CDYL: variants seen among roughly 807,000 people sequenced by gnomAD.
CDYL encodes the protein chromodomain Y like.
CDYL carries 8 observed loss-of-function variants against 47.3 expected under a neutral mutation model. That is an observed-to-expected ratio of 0.17 (90% CI 0.10 to 0.31). The LOEUF (loss-of-function observed/expected upper bound fraction) is 0.31, where lower values mean the gene tolerates loss of function less well. CDYL is among the 10% of genes least tolerant of loss of function. The pLI, the probability that CDYL is intolerant of heterozygous loss-of-function variation, is 1.00. For missense variants in CDYL, 471 were observed against 701.4 expected (o/e 0.67, Z 3.71); for synonymous variants, 266 against 265.0 (o/e 1.00, Z -0.04).
intron 3 of CDYL, among the ~76,000 whole-genome samples, chr6:4,739,191 A>AAAATAAAAT (rs1757754298): frequency 6.7e-6 from 1 of 149,052 alleles, no homozygotes; most frequent in Non-Finnish European, 1.5e-5. Context: ...ATTAAATAAT[A>AAAATAAAAT]AAAATAAAAT....
chr6:4,937,759 T>G (rs1332785352), intron 4 of CDYL, 22 bp downstream of exon 4: 1 of 1,589,258 alleles, frequency 6.3e-7, no homozygotes, highest in Non-Finnish European at 8.6e-7. Flanking sequence ...TGATGTTTTT[T>G]AAACATTGGT....
intron 3 of CDYL, among the ~76,000 whole-genome samples, chr6:4,758,351 A>AAAAAAAATATATATATATATATATATAT (rs1554134098): frequency 2.3e-5 from 3 of 129,074 alleles, no homozygotes; most frequent in African/African-American, 9.2e-5. Context: ...AAAATAAATA[A>AAAAAAAATATATATATATATATATATAT]ATATATATAT....
At chr6:4,758,841 G>T (rs188616116) in intron 3 of CDYL, among the ~76,000 whole-genome samples, 241 of 151,566 alleles carry the variant, frequency 1.6e-3, no homozygotes, top group Middle Eastern at 3.4e-3. Flanking sequence ...TTCATTTTAC[G>T]TATTTATTTT....
At chr6:4,724,014 C>T (rs554848782) in intron 2 of CDYL, among the ~76,000 whole-genome samples, 1 of 152,186 alleles carries the variant, frequency 6.6e-6, no homozygotes, top group Non-Finnish European at 1.5e-5. Flanking sequence ...CATACCTGTG[C>T]TAGTTTGAGT....
chr6:4,827,087 T>C (rs1309901465), intron 1 of CDYL, among the ~76,000 whole-genome samples: 1 of 152,228 alleles, frequency 6.6e-6, no homozygotes, highest in Admixed American at 6.5e-5. Context: ...TGACTTAAAG[T>C]CTGTTTTGTC....
intron 1 of CDYL, among the ~76,000 whole-genome samples, chr6:4,890,676 C>T (rs929777700): frequency 2.4e-4 from 37 of 152,254 alleles, no homozygotes; most frequent in African/African-American, 7.7e-4. Context: ...GTTAGAGAAC[C>T]AGGCATGCCA....
At chr6:4,809,889 A>G (rs1034532327) in intron 1 of CDYL, among the ~76,000 whole-genome samples, 3 of 133,050 alleles carry the variant, frequency 2.3e-5, no homozygotes, top group Non-Finnish European at 4.7e-5. Context: ...TGGTAGGGGT[A>G]TTATATTAGT....
At chr6:4,893,642 G>T (rs900105622) in intron 2 of CDYL, among the ~76,000 whole-genome samples, 1 of 151,348 alleles carries the variant, frequency 6.6e-6, no homozygotes, top group Non-Finnish European at 1.5e-5. Flanking sequence ...GCAGTGAGCC[G>T]AGATGGTGCC....
intron 2 of CDYL, among the ~76,000 whole-genome samples, chr6:4,923,713 G>A (rs1039250576): frequency 2.6e-5 from 4 of 152,054 alleles, no homozygotes; most frequent in East Asian, 1.9e-4. Context: ...CTTCTAACCC[G>A]GTGAAACCCC....
chr6:4,708,456 G>A (rs114911648), intron 1 of CDYL, among the ~76,000 whole-genome samples: 1,817 of 151,746 alleles, frequency 0.012, 47 homozygotes, highest in African/African-American at 0.042. Context: ...CACCACACCT[G>A]GCCATATATT....
chr6:4,804,715 G>A (rs537495937), intron 1 of CDYL, among the ~76,000 whole-genome samples: 22 of 152,302 alleles, frequency 1.4e-4, no homozygotes, highest in African/African-American at 4.1e-4. Context: ...CTGCACGTCC[G>A]TCTGGGTCCA....
chr6:4,739,868 G>A (rs1021654204), intron 3 of CDYL, among the ~76,000 whole-genome samples: 6 of 151,738 alleles, frequency 4.0e-5, no homozygotes, highest in African/African-American at 1.2e-4. Flanking sequence ...CAGGAGAATC[G>A]CTAGAACCCA....
intron 3 of CDYL, among the ~76,000 whole-genome samples, chr6:4,754,904 C>G (rs926177532): frequency 1.3e-5 from 2 of 152,072 alleles, no homozygotes; most frequent in Non-Finnish European, 2.9e-5. Flanking sequence ...TGGTATGTGC[C>G]TTTTTGAAAT....
intron 3 of CDYL, among the ~76,000 whole-genome samples, chr6:4,749,287 G>GGATGGATGGATGGATA (rs1757947709): frequency 7.5e-6 from 1 of 134,090 alleles, no homozygotes; most frequent in African/African-American, 2.7e-5. Context: ...TTTGTTGGAT[G>GGATGGATGGATGGATA]GATGGATGGA....
rs76411006 is a variant in CDYL at position 4,838,937 on chromosome 6, G to A, written c.25-52776G>A. Reference sequence around the variant, plus strand: ...CCTGACCTCATGATCCTCCCGCCTCGGCCTTGGGATTACAGGCGTGAGCCA... The same window carrying A: ...CCTGACCTCATGATCCTCCCGCCTCAGCCTTGGGATTACAGGCGTGAGCCA... On this transcript the variant is annotated intron_variant, in intron 1 of 6. Transcript: ENST00000397588. Among the ~76,000 whole-genome samples the A allele has an allele frequency of 4.6e-3, 699 of 152,142 alleles. 6 individuals are homozygous for A. Among genetic ancestry groups the A allele is most frequent in the African/African-American group, 0.016 (671 of 41,496 alleles).
At chr6:4,798,378 G>A (rs1171945396) in intron 1 of CDYL, among the ~76,000 whole-genome samples, 1 of 152,152 alleles carries the variant, frequency 6.6e-6, no homozygotes, top group Non-Finnish European at 1.5e-5. Flanking sequence ...CATTTTAGCT[G>A]GAGATAAGTT....
intron 3 of CDYL, among the ~76,000 whole-genome samples, chr6:4,754,255 C>T (rs1400495524): frequency 6.6e-6 from 1 of 152,178 alleles, no homozygotes; most frequent in East Asian, 1.9e-4. Context: ...ATCAGCTGGA[C>T]CTTGGAGATG....
At chr6:4,884,114 GGAT>G (rs1353933196) in intron 1 of CDYL, among the ~76,000 whole-genome samples, 5 of 152,204 alleles carry the variant, frequency 3.3e-5, no homozygotes, top group African/African-American at 1.2e-4. Context: ...ATTCATTAAT[GGAT>G]GATAGGATTG....
chr6:4,726,394 G>A (rs1226870814), intron 2 of CDYL, among the ~76,000 whole-genome samples: 5 of 151,952 alleles, frequency 3.3e-5, no homozygotes, highest in African/African-American at 1.2e-4. Flanking sequence ...AATTAGCCAG[G>A]CGTGGTACGC....
Sources: gnomAD v4.1 joint callset for allele counts (sites outside exome capture counted in the v4.1 genomes callset) on GRCh38, gnomAD v4.1.1 for gene constraint, MANE v1.5 for transcripts, NCBI Gene and HGNC (gene_info 2026-07-23, HGNC 2026-07-21) for gene names.